STK3: variants seen among roughly 807,000 people sequenced by gnomAD.
The protein encoded by STK3 is serine/threonine kinase 3, also known as serine/threonine-protein kinase 3.
STK3 carries 41 observed loss-of-function variants against 58.0 expected under a neutral mutation model. The observed-to-expected ratio is 0.71, with a 90% confidence interval of 0.55 to 0.92. The LOEUF (loss-of-function observed/expected upper bound fraction) is 0.92, where lower values mean the gene tolerates loss of function less well. STK3 is among the 40% of genes least tolerant of loss of function. STK3 has a pLI of 0.00. For synonymous variants in STK3, 170 were observed against 191.0 expected (o/e 0.89, Z 0.91); for missense variants, 479 against 602.7 (o/e 0.79, Z 2.15).
chr8:98,399,040 C>T (rs1297758680), downstream of STK3, among the ~76,000 whole-genome samples: 1 of 152,186 alleles, frequency 6.6e-6, no homozygotes, highest in Non-Finnish European at 1.5e-5. Context: ...TGCATGTAAT[C>T]CAGACCTCGT....
chr8:98,568,928 G>A (rs1285540741), intron 8 of STK3, among the ~76,000 whole-genome samples: 4 of 152,112 alleles, frequency 2.6e-5, no homozygotes, highest in Non-Finnish European at 5.9e-5. Context: ...ACTGAAGGGT[G>A]TTTCCAGATT....
chr8:98,682,957 C>G (rs1312157491), intron 6 of STK3, among the ~76,000 whole-genome samples: 1 of 151,970 alleles, frequency 6.6e-6, no homozygotes. Context: ...CTATTACTGG[C>G]TTAGAATAAA....
At chr8:98,505,665 T>A (rs1177754195) in intron 10 of STK3, among the ~76,000 whole-genome samples, 5 of 152,230 alleles carry the variant, frequency 3.3e-5, no homozygotes, top group Non-Finnish European at 7.3e-5. Flanking sequence ...GCTGCAGGTC[T>A]GTTGGAGTCT....
intron 1 of STK3, among the ~76,000 whole-genome samples, chr8:98,918,978 G>C (rs563968295): frequency 2.0e-5 from 3 of 151,836 alleles, no homozygotes; most frequent in African/African-American, 7.2e-5. Flanking sequence ...GAAAGGGTTA[G>C]GGGAGCTGGC....
chr8:98,617,873 C>A lies in STK3; in HGVS notation c.685-21704G>T, dbSNP rs868706813. Among the ~76,000 whole-genome samples the A allele has an allele frequency of 3.0e-4, 45 of 152,238 alleles. No individual in the cohort carries two copies. The South Asian group carries it at 9.1e-3, about 31-fold the overall frequency. ...GACCAGATGGATTCACAGCCGAATTCTACCAGAGGTACAAGGAGGAACTAG... is the reference window on the plus strand; with the variant it reads ...GACCAGATGGATTCACAGCCGAATTATACCAGAGGTACAAGGAGGAACTAG... On this transcript the variant is annotated intron_variant, in intron 6 of 10. Coordinates refer to ENST00000419617, the MANE Select transcript of STK3 (RefSeq NM_006281.4).
At chr8:98,411,824 G>T (rs1345537926) in intron 3 of STK3, among the ~76,000 whole-genome samples, 2 of 152,204 alleles carry the variant, frequency 1.3e-5, no homozygotes, top group Non-Finnish European at 2.9e-5. Context: ...TGTTCCCTGA[G>T]TGGGACCAAG....
intron 6 of STK3, among the ~76,000 whole-genome samples, chr8:98,652,082 G>GA (rs1193846232): frequency 1.3e-5 from 2 of 152,164 alleles, no homozygotes; most frequent in Non-Finnish European, 2.9e-5. Context: ...CAGCCAGAGA[G>GA]AAAGGTCAAG....
At chr8:98,701,792 T>A (rs929147984) in intron 6 of STK3, among the ~76,000 whole-genome samples, 1 of 152,136 alleles carries the variant, frequency 6.6e-6, no homozygotes, top group Non-Finnish European at 1.5e-5. Context: ...TAAATTTTTT[T>A]AACTATTCTA....
intron 6 of STK3, chr8:98,597,185 A>T: frequency 1.4e-6 from 1 of 720,234 alleles, no homozygotes; most frequent in Non-Finnish European, 1.7e-6. Context: ...TGCCTATATC[A>T]TTCTTTTGAA....
intron 1 of STK3, among the ~76,000 whole-genome samples, chr8:98,902,072 A>T (rs1332451369): frequency 1.3e-5 from 2 of 152,036 alleles, no homozygotes; most frequent in Non-Finnish European, 2.9e-5. Context: ...GGCTGCCATG[A>T]TGTCATCCTC....
chr8:98,917,927 A>G (rs1469574458), intron 1 of STK3, among the ~76,000 whole-genome samples: 1 of 151,964 alleles, frequency 6.6e-6, no homozygotes, highest in Non-Finnish European at 1.5e-5. Context: ...CCCATTCTCT[A>G]CTCCTTTCTA....
At chr8:98,618,225 T>G (rs1817936530) in intron 6 of STK3, among the ~76,000 whole-genome samples, 1 of 151,112 alleles carries the variant, frequency 6.6e-6, no homozygotes, top group Non-Finnish European at 1.5e-5. Flanking sequence ...CATGATTATC[T>G]CAATAGATGC....
At chr8:98,706,723 C>A (rs1825989281) in intron 5 of STK3, 89 bp from the exon 6 acceptor site, 2 of 1,313,884 alleles carry the variant, frequency 1.5e-6, no homozygotes, top group Admixed American at 2.6e-5. Context: ...ATGTTAAAAC[C>A]TCCAATGCCA....
chr8:98,349,039 G>A, the STK3 span, among the ~76,000 whole-genome samples: 2 of 152,228 alleles, frequency 1.3e-5, no homozygotes, highest in African/African-American at 4.8e-5. Flanking sequence ...TAAATAAATG[G>A]TGGTACATCC....
intron 3 of STK3, among the ~76,000 whole-genome samples, chr8:98,403,120 A>C (rs917939397): frequency 5.3e-5 from 8 of 151,976 alleles, no homozygotes; most frequent in Non-Finnish European, 1.2e-4. Context: ...ACACAACCAC[A>C]CTCGCAGCTG....
intron 6 of STK3, among the ~76,000 whole-genome samples, chr8:98,667,626 C>CA (rs1822464749): frequency 6.6e-6 from 1 of 151,886 alleles, no homozygotes; most frequent in South Asian, 2.1e-4. Flanking sequence ...AAAGGCAAGT[C>CA]AAAATAAGAA....
At chr8:98,761,520 G>A (rs1830614397) in intron 3 of STK3, among the ~76,000 whole-genome samples, 1 of 152,120 alleles carries the variant, frequency 6.6e-6, no homozygotes, top group Non-Finnish European at 1.5e-5. Context: ...TTCCTAATAT[G>A]AGCATGTGAT....
rs115232832 is a variant in STK3, at chr8:98,754,372, C to A, written c.237-4982G>T. ...GCATGAGAGCCACCTGTGACCCAAG[C>A]CCACACTCCTTTGAGGTTCTGATTC... On this transcript the variant is annotated intron_variant, in intron 3 of 10. Coordinates refer to ENST00000419617, the MANE Select transcript of STK3 (RefSeq NM_006281.4). Among the ~76,000 whole-genome samples, 1,144 of 152,174 alleles carry A rather than the reference C, an allele frequency of 7.5e-3. 13 individuals are homozygous for A. Among genetic ancestry groups the A allele is most frequent in the African/African-American group, 0.025 (1,048 of 41,506 alleles).
At chr8:98,463,262 T>C (rs967735167) in intron 10 of STK3, among the ~76,000 whole-genome samples, 1 of 152,194 alleles carries the variant, frequency 6.6e-6, no homozygotes, top group African/African-American at 2.4e-5. Context: ...TGATATGGTT[T>C]GGTACATGAG....
Sources: gnomAD v4.1 joint callset for allele counts (sites outside exome capture counted in the v4.1 genomes callset) on GRCh38, gnomAD v4.1.1 for gene constraint, MANE v1.5 for transcripts, NCBI Gene and HGNC (gene_info 2026-07-23, HGNC 2026-07-21) for gene names.